Variants in TMEM101 observed in about 807,000 individuals in gnomAD.
TMEM101 encodes putative NF-kappa-B-activating protein 130.
In TMEM101, 14 loss-of-function variants were observed where a neutral mutation model predicts 26.0. The observed-to-expected ratio is 0.54, with a 90% CI of 0.36 to 0.84. The LOEUF (loss-of-function observed/expected upper bound fraction) is 0.84, where lower values mean the gene tolerates loss of function less well. Among genes scored for constraint, TMEM101 ranks in the 40% least tolerant of loss-of-function variants. The pLI is 0.01. For missense variants in TMEM101, 292 were observed against 345.1 expected (o/e 0.85, Z 1.22); for synonymous variants, 152 against 145.1 (o/e 1.05, Z -0.34).
rs752208151 is a variant in TMEM101, at chr17:44,014,491, C to A, written c.184G>T (p.Ala62Ser). 2.4e-5 allele frequency: 38 copies of A among 1,568,400 alleles called. No homozygotes were observed. The highest frequency in any genetic ancestry group is 3.1e-5 in the Non-Finnish European group (36 of 1,156,580). The change falls in exon 2 of 4, where the codon GCC becomes TCC. Residue 62 changes from alanine (A) to serine (S), a missense_variant. Transcript: ENST00000206380. ...GACATGAAACTAGCGCACAGCACGG[C>A]TGCCCCCATGTCGAAATACAGGTAA... Reference protein sequence around the residue: ...VPYLYFDMGAAVLCASFMSFG... With the variant: ...VPYLYFDMGASVLCASFMSFG...
upstream of TMEM101, among the ~76,000 whole-genome samples, chr17:44,017,725 T>G (rs2049248188): frequency 1.3e-5 from 2 of 150,070 alleles, no homozygotes; most frequent in Non-Finnish European, 1.5e-5. Flanking sequence ...TTCGCGCCAT[T>G]GCACTCCAGC....
In TMEM101 at chr17:44,012,098, G is replaced by T. The variant is rs2049166925; in HGVS notation, c.604C>A (p.Leu202Ile). The T allele has an allele frequency of 6.2e-7, 1 of 1,614,244 alleles. No individual in the cohort carries two copies. Residue 202 changes from leucine (L) to isoleucine (I), a missense_variant, in exon 4 of 4, where the codon CTC becomes ATC. Leu to Ile is a conservative substitution (Grantham distance 5). Around this residue, in one of 2 missense-constraint regions of TMEM101, gnomAD observed 149 missense variants for 211.9 expected, o/e 0.70. Coordinates refer to ENST00000206380, the MANE Select transcript of TMEM101 (RefSeq NM_032376.4). Reference protein sequence around the residue: ...LAFLSGYYVTLAAQILAVLLP... With the variant: ...LAFLSGYYVTIAAQILAVLLP... ...AGTACAGCCAGGATCTGGGCAGCGAGGGTCACGTAGTAGCCTGACAGAAAG... is the reference window on the plus strand; with the variant it reads ...AGTACAGCCAGGATCTGGGCAGCGATGGTCACGTAGTAGCCTGACAGAAAG...
chr17:44,012,127 A>G lies in TMEM101; in HGVS notation c.575T>C (p.Leu192Pro). The change falls in exon 4 of 4, where the codon CTG becomes CCG. Residue 192 changes from leucine (L) to proline (P), a missense_variant. Physicochemically the swap from Leu to Pro is moderately conservative, Grantham distance 98. Transcript: ENST00000206380. ...LFFVLYGILA[L>P]AFLSGYYVTL... ...CACGTAGTAGCCTGACAGAAAGGCC[A>G]GGGCCAGGATGCCATACAGCACGAA... The G allele has an allele frequency of 2.5e-6, 4 of 1,614,270 alleles. No individual in the cohort carries two copies. Among genetic ancestry groups the G allele is most frequent in the Non-Finnish European group, 3.4e-6 (4 of 1,180,040 alleles).
chr17:44,016,548 G>C (rs2049233608), upstream of TMEM101, among the ~76,000 whole-genome samples: 2 of 152,086 alleles, frequency 1.3e-5, no homozygotes, highest in African/African-American at 4.8e-5. Flanking sequence ...CGGTGCCTGG[G>C]TTTCTGTTTA....
At chr17:44,016,346 T>C (rs2049231146), upstream of TMEM101, among the ~76,000 whole-genome samples, 1 of 152,104 alleles carries the variant, frequency 6.6e-6, no homozygotes, top group Non-Finnish European at 1.5e-5. Flanking sequence ...CTAATTTTTA[T>C]TTTTAGTGGA....
rs777916551 is a variant in TMEM101 at position 44,012,038 on chromosome 17, C to T, written c.664G>A (p.Val222Ile). ...CGCCGCGTGTTGTGCCAGTAAGCAA[C>T]ATTGCCATCAATGAGCAGCATGACA... ...PPVMLLIDGN[V>I]AYWHNTRRVE... is the part of the protein sequence containing the mutation. The change falls in exon 4 of 4, where the codon GTT (valine) becomes ATT (isoleucine). Residue 222 changes from valine to isoleucine, a missense_variant. Around this residue, in one of 2 missense-constraint regions of TMEM101, gnomAD observed 149 missense variants for 211.9 expected, o/e 0.70. Coordinates refer to ENST00000206380, the MANE Select transcript of TMEM101 (RefSeq NM_032376.4). 10 of 1,614,228 alleles carry T rather than the reference C, an allele frequency of 6.2e-6. No individual in the cohort carries two copies. The highest frequency in any genetic ancestry group is 8.5e-6 in the Non-Finnish European group (10 of 1,180,044).
chr17:44,020,308 A>G (rs575057337), intron 2 of TMEM101, among the ~76,000 whole-genome samples: 10 of 152,350 alleles, frequency 6.6e-5, no homozygotes, highest in African/African-American at 2.4e-4. Flanking sequence ...GGGAACAGGA[A>G]GAGTTCTCCT....
intron 2 of TMEM101, among the ~76,000 whole-genome samples, chr17:44,013,945 A>C (rs2049193847): frequency 6.6e-6 from 1 of 152,188 alleles, no homozygotes; most frequent in Non-Finnish European, 1.5e-5. Context: ...GTTCTGGCTT[A>C]AATGCTATAC....
intron 1 of TMEM101, 27 bp downstream of exon 1, chr17:44,014,789 G>T: frequency 6.5e-7 from 1 of 1,537,404 alleles, no homozygotes; most frequent in South Asian, 1.2e-5. Flanking sequence ...CCCCTGCCGC[G>T]TTTAGCGGCT....
At chr17:44,018,702 C>T (rs1487329044), upstream of TMEM101, among the ~76,000 whole-genome samples, 1 of 152,126 alleles carries the variant, frequency 6.6e-6, no homozygotes, top group African/African-American at 2.4e-5. Flanking sequence ...AGGCACAATG[C>T]CCCACCCTCC....
intron 2 of TMEM101, 131 bp from the exon 3 acceptor site, chr17:44,013,286 G>C: frequency 1.2e-6 from 1 of 848,888 alleles, no homozygotes; most frequent in South Asian, 4.0e-5. Flanking sequence ...TTCCAAGCTT[G>C]GTGGGCAGGT....
At position 44,014,771 on chromosome 17, in the gene TMEM101, A is replaced by G. The variant is rs1258242904; in HGVS notation, c.137+45T>C. The G allele has an allele frequency of 2.6e-6, 4 of 1,524,074 alleles. No homozygotes were observed. The African/African-American group carries it at 4.2e-5, about 16-fold the overall frequency. The allele number at this position is 1,524,074 out of a possible 1,614,324, so 94.4% of individuals were successfully genotyped here. On this transcript the variant is annotated intron_variant, in intron 1 of 3. Transcript: ENST00000206380. ...TTCTAGCCCCCAATTTCTTGCCCACATCACCGCCCCCTGCCGCGTTTAGCG... is the reference window on the plus strand; with the variant it reads ...TTCTAGCCCCCAATTTCTTGCCCACGTCACCGCCCCCTGCCGCGTTTAGCG...
chr17:44,015,326 G>A (rs548749057), upstream of TMEM101, among the ~76,000 whole-genome samples: 4 of 152,282 alleles, frequency 2.6e-5, no homozygotes, highest in South Asian at 6.2e-4. Context: ...TAAACTTTAT[G>A]AGACTCATCA....
In TMEM101 at chr17:44,012,110, A is replaced by G. The variant is rs1312824845; in HGVS notation, c.592T>C (p.Tyr198His). The stretch of plus-strand genomic sequence containing the variant: ...ATCTGGGCAGCGAGGGTCACGTAGT[A>G]GCCTGACAGAAAGGCCAGGGCCAGG... ...GILALAFLSG[Y>H]YVTLAAQILA... The change falls in exon 4 of 4, where the codon TAC becomes CAC. Residue 198 changes from tyrosine (Y) to histidine (H), a missense_variant. By Grantham distance (83) the Tyr-to-His change is moderately conservative. Coordinates refer to ENST00000206380, the MANE Select transcript of TMEM101 (RefSeq NM_032376.4). 15 of 1,614,140 alleles carry G rather than the reference A, an allele frequency of 9.3e-6. No homozygotes were observed. Among genetic ancestry groups the G allele is most frequent in the East Asian group, 2.2e-5 (1 of 44,894 alleles).
upstream of TMEM101, among the ~76,000 whole-genome samples, chr17:44,018,384 T>C (rs2049254219): frequency 6.6e-6 from 1 of 152,108 alleles, no homozygotes; most frequent in South Asian, 2.1e-4. Flanking sequence ...GGGAATGAGA[T>C]TGTATACGTG....
rs1246967479 is a variant in TMEM101 at position 44,013,098 on chromosome 17, C to T, written c.376G>A (p.Gly126Ser). Residue 126 changes from glycine (G) to serine (S), a missense_variant, in exon 3 of 4, where the codon GGT (glycine) becomes AGT (serine). By Grantham distance (56) the Gly-to-Ser change is moderately conservative. Transcript: ENST00000206380. ...TTCCGGCGGTACAGCTCCCCAGCAC[C>T]GCTGGCCAACACAAGAAAGCCGCCG... ...IIGGFLVLASGAGELYRRKPR... is the reference protein window; with the variant it reads ...IIGGFLVLASSAGELYRRKPR... The T allele has an allele frequency of 2.5e-6, 4 of 1,609,434 alleles. No individual in the cohort carries two copies. Among genetic ancestry groups the T allele is most frequent in the Admixed American group, 1.7e-5 (1 of 59,940 alleles).
chr17:44,012,661 G>A (rs1388820766), intron 3 of TMEM101: 1 of 412,704 alleles, frequency 2.4e-6, no homozygotes, highest in Non-Finnish European at 4.3e-6. Flanking sequence ...CTAGGGGGCA[G>A]AGTCCCAGCT....
chr17:44,020,539 G>A (rs903068258), intron 2 of TMEM101, among the ~76,000 whole-genome samples: 4 of 152,110 alleles, frequency 2.6e-5, no homozygotes, highest in Admixed American at 1.3e-4. Flanking sequence ...TGGGCAATAT[G>A]GTGAAACCCC....
intron 2 of TMEM101, 60 bp from the exon 3 acceptor site, chr17:44,013,215 CCCAG>C: frequency 1.4e-6 from 2 of 1,454,626 alleles, no homozygotes; most frequent in South Asian, 1.4e-5. Flanking sequence ...CTCCTGGCTT[CCCAG>C]AGTGTAGAAC....
Sources: allele counts gnomAD v4.1 joint callset (sites outside exome capture counted in the v4.1 genomes callset), GRCh38; gene constraint gnomAD v4.1.1; regional missense constraint gnomAD v4.1.1; transcripts MANE v1.5; gene names NCBI Gene and HGNC (gene_info 2026-07-23, HGNC 2026-07-21).